UTP14A: variants seen among roughly 807,000 people sequenced by gnomAD.
The protein encoded by UTP14A is UTP14A small subunit processome component, also known as U3 small nucleolar RNA-associated protein 14 homolog A.
Under a neutral mutation model 57.2 loss-of-function variants are expected in UTP14A, and 5 were observed. The observed-to-expected ratio is 0.09, with a 90% confidence interval of 0.05 to 0.18. The LOEUF is 0.18. UTP14A is among the 10% of genes least tolerant of loss of function. UTP14A has a pLI of 1.00. For synonymous variants in UTP14A, 169 were observed against 210.9 expected (o/e 0.80, Z 1.72); for missense variants, 430 against 562.1 (o/e 0.76, Z 2.38).
At chrX:129,916,072 G>T (rs1001257574) in intron 6 of UTP14A, among the ~76,000 whole-genome samples, 5 of 106,493 alleles carry the variant, frequency 4.7e-5, no homozygotes, top group African/African-American at 1.7e-4. Context: ...TCCTGCCTCA[G>T]CCTCCCAAGT....
intron 10 of UTP14A, 184 bp downstream of exon 10, chrX:129,920,936 A>G: frequency 6.6e-6 from 5 of 754,582 alleles, no homozygotes; most frequent in Non-Finnish European, 7.8e-6. Context: ...GGGAAACAGC[A>G]TTGAAGGCAA....
In UTP14A at chrX:129,911,812, A is replaced by C. The variant is rs1350041701; in HGVS notation, c.428A>C (p.Lys143Thr). The C allele has an allele frequency of 5.8e-6, 7 of 1,209,368 alleles. No individual in the cohort carries two copies. Among genetic ancestry groups the C allele is most frequent in the Non-Finnish European group, 2.2e-6 (2 of 895,118 alleles). ...AATAAAACCGCACAAGTCCTCTCCA[A>C]ATGGGACCCTGTCGTCCTGAAGAAC... The part of the protein sequence containing the change: ...AFNKTAQVLS[K>T]WDPVVLKNRQ... Residue 143 changes from lysine (K) to threonine (T), a missense_variant, in exon 6 of 15, where the codon AAA becomes ACA. Around this residue, in one of 4 missense-constraint regions of UTP14A, gnomAD observed 145 missense variants for 153.5 expected, o/e 0.94. Coordinates refer to ENST00000394422, the MANE Select transcript of UTP14A (RefSeq NM_006649.4).
At position 129,919,474 on chromosome X, in the gene UTP14A, A is replaced by C; in HGVS notation, c.737A>C (p.Lys246Thr). The part of the protein sequence containing the change: ...YYEAKARREK[K>T]IKSKKYHKVV... ...GAGGCCAAGGCTCGAAGAGAGAAGA[A>C]AATCAAAAGTAAAAAGTAAGGAGGC... is the stretch of plus-strand genomic sequence containing the variant. Residue 246 changes from lysine (K) to threonine (T), a missense_variant, in exon 8 of 15, where the codon AAA becomes ACA. Lys to Thr is a moderately conservative substitution (Grantham distance 78, BLOSUM62 -1). This residue lies in a region of UTP14A where 83 missense variants were observed against 140.4 expected (regional missense o/e 0.59). Transcript: ENST00000394422. The C allele has an allele frequency of 1.7e-6, 2 of 1,211,729 alleles. No individual in the cohort carries two copies. Among genetic ancestry groups the C allele is most frequent in the Non-Finnish European group, 2.2e-6 (2 of 895,500 alleles).
At chrX:129,921,840 G>A in intron 11 of UTP14A, 3 of 344,221 alleles carry the variant, frequency 8.7e-6, no homozygotes, top group Non-Finnish European at 1.5e-5. Flanking sequence ...GGGGCTTACA[G>A]CCTTCAGAAA....
At chrX:129,922,457 C>G (rs1054435119) in intron 11 of UTP14A, 1 of 111,700 alleles carries the variant, frequency 9.0e-6, no homozygotes, top group Non-Finnish European at 1.9e-5. Context: ...GGGTTTTGCT[C>G]TGTCATCCAG....
intron 6 of UTP14A, among the ~76,000 whole-genome samples, chrX:129,915,210 G>T (rs927235773): frequency 9.3e-6 from 1 of 107,916 alleles, no homozygotes; most frequent in Non-Finnish European, 1.9e-5. Flanking sequence ...GTGAGACTCT[G>T]TCTCAAAAAT....
chrX:129,926,397 G>A, intron 14 of UTP14A, 58 bp downstream of exon 14: 1 of 1,035,555 alleles, frequency 9.7e-7, no homozygotes, highest in Non-Finnish European at 1.4e-6. Context: ...TCTCTTGCTT[G>A]AGAGGAGTAT....
chrX:129,919,211 C>T lies in UTP14A; in HGVS notation c.574C>T (p.Leu192Phe). The change falls in exon 7 of 15, where the codon CTC becomes TTC. Residue 192 changes from leucine (L) to phenylalanine (F), a missense_variant. Leu to Phe is a conservative substitution (Grantham distance 22, BLOSUM62 0). Coordinates refer to ENST00000394422, the MANE Select transcript of UTP14A (RefSeq NM_006649.4). ...CCTGGAGCAGGAAATTTTCAACCTCCTCCATAAGAACAAGCAGCCAGTGAC... is the reference window on the plus strand; with the variant it reads ...CCTGGAGCAGGAAATTTTCAACCTCTTCCATAAGAACAAGCAGCCAGTGAC... ...TPLEQEIFNL[L>F]HKNKQPVTDP... 2.5e-6 allele frequency: 3 copies of T among 1,211,935 alleles called. No homozygotes were observed. The highest frequency in any genetic ancestry group is 3.3e-6 in the Non-Finnish European group (3 of 895,545).
intron 14 of UTP14A, among the ~76,000 whole-genome samples, chrX:129,927,081 G>A (rs1407347782): frequency 9.0e-6 from 1 of 111,471 alleles, no homozygotes; most frequent in Non-Finnish European, 1.9e-5. Context: ...GATAAGGGAA[G>A]GGGGGAAAGG....
At position 129,907,731 on chromosome X, in the gene UTP14A, C is replaced by T. The variant is rs1310393443; in HGVS notation, c.102+289C>T. ...CAGCACTTTGGGAGGCCAAGGCGGGCAGATCACAAGGTCAGGAGATTGAGA... is the reference window on the plus strand; with the variant it reads ...CAGCACTTTGGGAGGCCAAGGCGGGTAGATCACAAGGTCAGGAGATTGAGA... On this transcript the variant is annotated intron_variant, in intron 2 of 14. Coordinates refer to ENST00000394422, the MANE Select transcript of UTP14A (RefSeq NM_006649.4). Among the ~76,000 whole-genome samples the T allele has an allele frequency of 3.6e-5, 4 of 111,620 alleles. No homozygotes were observed. In the South Asian group the frequency reaches 1.1e-3, roughly 31 times the overall value.
intron 14 of UTP14A, among the ~76,000 whole-genome samples, chrX:129,928,704 A>G (rs980576928): frequency 2.7e-5 from 3 of 111,795 alleles, no homozygotes; most frequent in African/African-American, 9.8e-5. Context: ...CAGTGAGCGG[A>G]GATCGTGCCA....
At chrX:129,910,756 C>T (rs1929435980) in intron 4 of UTP14A, among the ~76,000 whole-genome samples, 1 of 112,521 alleles carries the variant, frequency 8.9e-6, no homozygotes, top group Admixed American at 9.4e-5. Context: ...AGAGTAGAAG[C>T]ACCAGGAGAA....
chrX:129,908,797 CA>C (rs1556018335), intron 4 of UTP14A, 63 bp downstream of exon 4: 4 of 1,031,793 alleles, frequency 3.9e-6, no homozygotes, highest in Middle Eastern at 2.5e-4. Context: ...GCATTGTGTT[CA>C]CCTCACCCCC....
At chrX:129,926,453 A>C in intron 14 of UTP14A, 114 bp downstream of exon 14, 1 of 639,928 alleles carries the variant, frequency 1.6e-6, no homozygotes, top group South Asian at 2.9e-5. Flanking sequence ...TGACCGCAGA[A>C]TCAAATCTGT....
intron 6 of UTP14A, among the ~76,000 whole-genome samples, chrX:129,918,928 C>A (rs760004327): frequency 9.0e-6 from 1 of 110,858 alleles, no homozygotes; most frequent in East Asian, 2.8e-4. Flanking sequence ...CACAGTGATC[C>A]CCCTCAGCAG....
chrX:129,909,084 G>A (rs142468001), intron 4 of UTP14A, among the ~76,000 whole-genome samples: 284 of 111,839 alleles, frequency 2.5e-3, no homozygotes, highest in African/African-American at 8.8e-3. Flanking sequence ...TTAGGAGACA[G>A]GCAAATATTC....
chrX:129,921,713 G>A (rs1349681027), intron 11 of UTP14A, 126 bp downstream of exon 11: 1 of 679,365 alleles, frequency 1.5e-6, no homozygotes, highest in Admixed American at 4.2e-5. Flanking sequence ...TTGCAAGAGT[G>A]CGTACACTGG....
chrX:129,920,838 G>T, intron 10 of UTP14A, 86 bp downstream of exon 10: 1 of 1,193,546 alleles, frequency 8.4e-7, no homozygotes, highest in South Asian at 1.8e-5. Flanking sequence ...AGGATGGATG[G>T]AAAACCAGGA....
chrX:129,928,384 CAAAAA>C (rs1183151025), intron 14 of UTP14A, among the ~76,000 whole-genome samples: 151 of 8,726 alleles, frequency 0.017, no homozygotes, highest in African/African-American at 0.057. Context: ...GACTCCATCT[CAAAAA>C]AAAAAAAAAA....
Sources: allele counts gnomAD v4.1 joint callset (sites outside exome capture counted in the v4.1 genomes callset), GRCh38; gene constraint gnomAD v4.1.1; regional missense constraint gnomAD v4.1.1; transcripts MANE v1.5; gene names NCBI Gene and HGNC (gene_info 2026-07-23, HGNC 2026-07-21).